Variants in KLF12 observed in about 807,000 individuals in gnomAD.
The protein encoded by KLF12 is Krueppel-like factor 12.
KLF12 carries 9 observed loss-of-function variants against 37.8 expected under a neutral mutation model. The observed-to-expected ratio is 0.24, with a 90% confidence interval of 0.14 to 0.42. The LOEUF is 0.42. Among genes scored for constraint, KLF12 ranks in the 10% least tolerant of loss-of-function variants. The pLI is 1.00. For synonymous variants in KLF12, 208 were observed against 202.1 expected, an observed-to-expected ratio of 1.03 and a Z score of -0.25; for missense variants, 411 against 516.0, an observed-to-expected ratio of 0.80 and a Z score of 1.97.
rs1221280127 is a variant in KLF12 at position 73,787,969 on chromosome 13, T to C, written c.807-22969A>G. ...GTAAGAGGAACCTTGGGGACAATAA[T>C]TGTAATAGACTGTATTTAATAAAAG... On this transcript the variant is annotated intron_variant, in intron 5 of 7. Transcript: ENST00000377669. 3.3e-5 allele frequency among the ~76,000 whole-genome samples: 5 copies of C among 152,018 alleles called. 1 individual carries two copies. The highest frequency in any genetic ancestry group is 4.2e-4 in the South Asian group (2 of 4,808).
chr13:74,203,318 C>G, the KLF12 span, among the ~76,000 whole-genome samples: 1 of 151,944 alleles, frequency 6.6e-6, no homozygotes, highest in Admixed American at 6.6e-5. Context: ...TTTCTCTAAC[C>G]TGGAATTAGG....
At chr13:74,036,320 G>A (rs988515015) in intron 1 of KLF12, among the ~76,000 whole-genome samples, 2 of 152,018 alleles carry the variant, frequency 1.3e-5, no homozygotes, top group South Asian at 2.1e-4. Context: ...AACTTCCCAC[G>A]GTACCTAATA....
the KLF12 span, among the ~76,000 whole-genome samples, chr13:74,291,719 G>T: frequency 6.6e-6 from 1 of 152,044 alleles, no homozygotes; most frequent in Non-Finnish European, 1.5e-5. Flanking sequence ...CTCCCTGACT[G>T]GATATACATA....
At chr13:73,852,876 T>G (rs1197967258) in intron 3 of KLF12, among the ~76,000 whole-genome samples, 1 of 150,408 alleles carries the variant, frequency 6.6e-6, no homozygotes, top group East Asian at 1.9e-4. Context: ...TTTATGTTTT[T>G]TTTTTTTTTT....
the KLF12 span, among the ~76,000 whole-genome samples, chr13:74,194,549 A>G: frequency 6.6e-6 from 1 of 152,122 alleles, no homozygotes; most frequent in Non-Finnish European, 1.5e-5. Flanking sequence ...ACCCTTTCAT[A>G]AAGACACCTA....
chr13:73,710,303 CTT>C (rs1875272458), intron 7 of KLF12, among the ~76,000 whole-genome samples: 1 of 151,836 alleles, frequency 6.6e-6, no homozygotes, highest in Non-Finnish European at 1.5e-5. Context: ...CTAAAAAAAA[CTT>C]AACACCATTT....
At chr13:74,228,628 C>T in the KLF12 span, among the ~76,000 whole-genome samples, 2 of 151,928 alleles carry the variant, frequency 1.3e-5, no homozygotes, top group East Asian at 1.9e-4. Flanking sequence ...TCTTTTTACC[C>T]ATACTGTGAT....
chr13:74,000,344 G>T (rs538334720), intron 1 of KLF12, among the ~76,000 whole-genome samples: 6 of 152,182 alleles, frequency 3.9e-5, no homozygotes, highest in African/African-American at 1.4e-4. Flanking sequence ...GGATCTCAGA[G>T]TATAGTGTTC....
intron 6 of KLF12, among the ~76,000 whole-genome samples, chr13:73,723,706 A>T (rs1040665045): frequency 5.3e-4 from 81 of 152,298 alleles, no homozygotes; most frequent in African/African-American, 1.8e-3. Flanking sequence ...AAAATAAGTT[A>T]TCCTTATTTG....
chr13:74,225,655 G>A, the KLF12 span, among the ~76,000 whole-genome samples: 8 of 152,084 alleles, frequency 5.3e-5, no homozygotes, highest in Non-Finnish European at 1.0e-4. Flanking sequence ...TGGTAATTTT[G>A]TTGCCAATTG....
chr13:74,177,215 A>G, the KLF12 span, among the ~76,000 whole-genome samples: 2 of 152,240 alleles, frequency 1.3e-5, no homozygotes, highest in Non-Finnish European at 2.9e-5. Context: ...AGAGACACAT[A>G]GAGCCCAGAG....
intron 6 of KLF12, among the ~76,000 whole-genome samples, chr13:73,752,214 C>G (rs1878809794): frequency 6.6e-6 from 1 of 152,086 alleles, no homozygotes; most frequent in African/African-American, 2.4e-5. Context: ...AACTCCTGAG[C>G]TCAAGAGATC....
the KLF12 span, among the ~76,000 whole-genome samples, chr13:74,242,850 G>A: frequency 6.6e-6 from 1 of 152,188 alleles, no homozygotes; most frequent in Non-Finnish European, 1.5e-5. Context: ...AGAGCCACGT[G>A]TACATAGAAT....
chr13:74,137,792 C>CT (rs1333846205), upstream of KLF12, among the ~76,000 whole-genome samples: 1 of 152,082 alleles, frequency 6.6e-6, no homozygotes, highest in African/African-American at 2.4e-5. Context: ...CGAAGTTTCG[C>CT]TCTTGTTGCC....
At chr13:73,941,123 A>C (rs1484368217) in intron 3 of KLF12, among the ~76,000 whole-genome samples, 1 of 152,232 alleles carries the variant, frequency 6.6e-6, no homozygotes, top group Non-Finnish European at 1.5e-5. Flanking sequence ...TACCAAAACT[A>C]GGTTTTTCAG....
In KLF12 at chr13:73,870,534, C is replaced by T. The variant is rs145228500; in HGVS notation, c.124-24161G>A. On this transcript the variant is annotated intron_variant, in intron 3 of 7. Coordinates refer to ENST00000377669, the MANE Select transcript of KLF12 (RefSeq NM_007249.5). ...AAAGTACTTAAAGGTAACTGCCAGACGGATGTGCATGTGTGTGTGTTTACA... is the reference window on the plus strand; with the variant it reads ...AAAGTACTTAAAGGTAACTGCCAGATGGATGTGCATGTGTGTGTGTTTACA... Among the ~76,000 whole-genome samples, 367 of 152,302 alleles carry T rather than the reference C, an allele frequency of 2.4e-3. 2 individuals are homozygous for T. Among genetic ancestry groups the T allele is most frequent in the African/African-American group, 8.4e-3 (349 of 41,560 alleles).
intron 4 of KLF12, among the ~76,000 whole-genome samples, chr13:73,817,325 A>G (rs1883279970): frequency 7.4e-6 from 1 of 135,538 alleles, no homozygotes; most frequent in Non-Finnish European, 1.6e-5. Context: ...TTTCAAAAAA[A>G]AAAGAAAAGA....
chr13:74,209,226 C>T, the KLF12 span, among the ~76,000 whole-genome samples: 5 of 151,960 alleles, frequency 3.3e-5, no homozygotes, highest in Non-Finnish European at 5.9e-5. Flanking sequence ...AAGTTACTCT[C>T]GGTGAAGTGC....
intron 5 of KLF12, among the ~76,000 whole-genome samples, chr13:73,809,689 G>T (rs1882827321): frequency 6.6e-6 from 1 of 151,962 alleles, no homozygotes; most frequent in Non-Finnish European, 1.5e-5. Flanking sequence ...CATTTAAGAG[G>T]TCTCTGCAGA....
Sources: gnomAD v4.1 joint callset for allele counts (sites outside exome capture counted in the v4.1 genomes callset) on GRCh38, gnomAD v4.1.1 for gene constraint, MANE v1.5 for transcripts, NCBI Gene and HGNC (gene_info 2026-07-23, HGNC 2026-07-21) for gene names.